Variants in KAZN observed in about 807,000 individuals in gnomAD.
The protein encoded by KAZN is kazrin.
Under a neutral mutation model 87.4 loss-of-function variants are expected in KAZN, and 40 were observed. The ratio of observed to expected loss-of-function variants is 0.46; its 90% confidence interval spans 0.36 to 0.60. The LOEUF (loss-of-function observed/expected upper bound fraction) is 0.60. Among genes scored for constraint, KAZN ranks in the 20% least tolerant of loss-of-function variants. The probability of loss-of-function intolerance (pLI) is 0.00; values close to 1 mark genes in which losing one functional copy is unlikely to be tolerated. For missense variants in KAZN, 898 were observed against 1,073.9 expected, an observed-to-expected ratio of 0.84 and a Z score of 2.29; for synonymous variants, 466 against 458.3, an observed-to-expected ratio of 1.02 and a Z score of -0.22.
At chr1:14,334,031 G>A (rs1376265875) in intron 2 of KAZN, among the ~76,000 whole-genome samples, 1 of 151,912 alleles carries the variant, frequency 6.6e-6, no homozygotes, top group Non-Finnish European at 1.5e-5. Flanking sequence ...AAGGAGGCAT[G>A]GCCATCACAA....
chr1:14,199,606 T>A (rs545138415), intron 2 of KAZN, among the ~76,000 whole-genome samples: 1 of 152,298 alleles, frequency 6.6e-6, no homozygotes, highest in East Asian at 1.9e-4. Context: ...GCACTTGCCA[T>A]GCAGTTGTTG....
intron 2 of KAZN, among the ~76,000 whole-genome samples, chr1:14,384,662 AAG>A (rs1557679871): frequency 6.6e-6 from 1 of 152,062 alleles, no homozygotes; most frequent in African/African-American, 2.4e-5. Flanking sequence ...CCCAGGGATG[AAG>A]CCCACTTGAT....
At chr1:13,893,566 C>G (rs1638916664) in exon 1 of KAZN, 8 of 1,493,002 alleles carry the variant, frequency 5.4e-6, no homozygotes, top group Non-Finnish European at 7.2e-6. Context: ...CAAGTAGCCT[C>G]AGATCTGCAG....
intron 8 of KAZN, among the ~76,000 whole-genome samples, chr1:15,083,238 T>C (rs1458420315): frequency 6.6e-6 from 1 of 152,220 alleles, no homozygotes; most frequent in Non-Finnish European, 1.5e-5. Context: ...TGCAGCCCCT[T>C]TTAGTTGCAA....
At chr1:14,137,239 GCA>G (rs1645127207) in intron 1 of KAZN, among the ~76,000 whole-genome samples, 1 of 152,220 alleles carries the variant, frequency 6.6e-6, no homozygotes, top group Non-Finnish European at 1.5e-5. Context: ...TCAGGCAGGT[GCA>G]CACCCAGGGT....
intron 2 of KAZN, among the ~76,000 whole-genome samples, chr1:14,425,956 A>G (rs74724543): frequency 0.2 from 30,924 of 152,154 alleles, 3,988 homozygotes; most frequent in South Asian, 0.28. Flanking sequence ...ACATTCTTTT[A>G]TCTGGATTTG....
chr1:15,050,064 G>GGTAGA (rs1192474684), intron 4 of KAZN, among the ~76,000 whole-genome samples: 2 of 79,530 alleles, frequency 2.5e-5, no homozygotes, highest in Non-Finnish European at 4.4e-5. Flanking sequence ...GGTAGGGTAG[G>GGTAGA]GTAGAGTAGA....
chr1:14,355,231 G>A (rs114438538), intron 2 of KAZN, among the ~76,000 whole-genome samples: 1 of 152,078 alleles, frequency 6.6e-6, no homozygotes, highest in Non-Finnish European at 1.5e-5. Flanking sequence ...ACTTTCTGGG[G>A]TGATATGTAT....
intron 2 of KAZN, among the ~76,000 whole-genome samples, chr1:15,008,522 C>T (rs559936400): frequency 9.8e-5 from 15 of 152,342 alleles, no homozygotes; most frequent in Admixed American, 6.5e-4. Flanking sequence ...GCCGGGTTTC[C>T]AGAGCACTTC....
intron 2 of KAZN, among the ~76,000 whole-genome samples, chr1:15,027,852 C>T (rs1018949847): frequency 1.3e-5 from 2 of 148,294 alleles, no homozygotes; most frequent in East Asian, 4.3e-4. Context: ...TTGTTTGAGA[C>T]GGAGTCTCGC....
At chr1:14,355,400 A>ATATTTATTTATT (rs58049152) in intron 2 of KAZN, among the ~76,000 whole-genome samples, 1 of 147,902 alleles carries the variant, frequency 6.8e-6, no homozygotes, top group African/African-American at 2.5e-5. Context: ...AACAATCTAC[A>ATATTTATTTATT]TATTTATTTA....
rs1403704715 is a variant in KAZN, at chr1:14,681,644, TATATATATATATA to T, written c.226+82422_226+82434del. Among the ~76,000 whole-genome samples the T allele has an allele frequency of 6.4e-4, 9 of 14,080 alleles. 1 individual carries two copies. Among genetic ancestry groups the T allele is most frequent in the Middle Eastern group, 0.022 (1 of 46 alleles). The allele number at this position is 14,080 out of a possible 152,430, so 9.2% of individuals were successfully genotyped here. A position where few individuals can be genotyped will look rare whatever the true frequency, so the allele number is the denominator to read the frequency against. The stretch of plus-strand genomic sequence containing the variant: ...ATATATATATATATATATATATATA[TATATATATATATA>T]TTTTTTTTTTTTTTTTTTTTTTTTT... On this transcript the variant is annotated intron_variant, in intron 1 of 14. Transcript: ENST00000376030.
chr1:14,311,223 T>A (rs1394469169), intron 2 of KAZN, among the ~76,000 whole-genome samples: 1 of 152,198 alleles, frequency 6.6e-6, no homozygotes, highest in Non-Finnish European at 1.5e-5. Context: ...TGCATTCAGA[T>A]AGATCTGGAT....
chr1:15,094,188 A>G lies in KAZN; in HGVS notation c.1231A>G (p.Ser411Gly). The G allele has an allele frequency of 1.2e-6, 2 of 1,613,110 alleles. No individual in the cohort carries two copies. The highest frequency in any genetic ancestry group is 1.7e-6 in the Non-Finnish European group (2 of 1,179,806). Reference protein sequence around the residue: ...LDPGLFDDSDSQCSPTRQSLS... With the variant: ...LDPGLFDDSDGQCSPTRQSLS... Reference sequence around the variant, plus strand: ...GCACTTGTGTGTTGCAGACTCGGACAGCCAGTGCAGCCCCACGCGGCAGAG... The same window carrying G: ...GCACTTGTGTGTTGCAGACTCGGACGGCCAGTGCAGCCCCACGCGGCAGAG... The change falls in exon 9 of 15, where the codon AGC becomes GGC. Residue 411 changes from serine (S) to glycine (G), a missense_variant. Transcript: ENST00000376030. The surrounding 1 kb of genome is among the most constrained non-coding windows in gnomAD (Gnocchi z 4.5).
At chr1:14,917,158 C>T (rs1439070767) in intron 1 of KAZN, among the ~76,000 whole-genome samples, 3 of 152,228 alleles carry the variant, frequency 2.0e-5, no homozygotes, top group African/African-American at 7.2e-5. Context: ...GAAAGGCCCA[C>T]AGAAGTCTCT....
chr1:14,256,469 G>T (rs1005002045), intron 2 of KAZN, among the ~76,000 whole-genome samples: 7 of 152,092 alleles, frequency 4.6e-5, no homozygotes, highest in Non-Finnish European at 8.8e-5. Context: ...GGAGTAGGAA[G>T]GAGAAAGGGA....
chr1:14,177,798 T>G lies in KAZN; in HGVS notation c.92-2637T>G, dbSNP rs539686676. Reference sequence around the variant, plus strand: ...TCATTTTCACTGTGTGTGTGTGTTTTTTTTTTTTTTTTTAGTAATTTGATT... The same window carrying G: ...TCATTTTCACTGTGTGTGTGTGTTTGTTTTTTTTTTTTTAGTAATTTGATT... On this transcript the variant is annotated intron_variant, in intron 1 of 16. Coordinates refer to the KAZN transcript ENST00000636203. 3.0e-3 allele frequency among the ~76,000 whole-genome samples: 420 copies of G among 138,830 alleles called. 1 individual carries two copies. Among genetic ancestry groups the G allele is most frequent in the East Asian group, 0.018 (92 of 5,132 alleles). The allele number at this position is 138,830 out of a possible 152,430, so 91.1% of individuals were successfully genotyped here. A position where few individuals can be genotyped will look rare whatever the true frequency, so the allele number is the denominator to read the frequency against.
At chr1:14,441,485 A>T (rs1666703230) in intron 2 of KAZN, among the ~76,000 whole-genome samples, 1 of 152,164 alleles carries the variant, frequency 6.6e-6, no homozygotes, top group South Asian at 2.1e-4. Context: ...GCGACATTTT[A>T]CAAGTCCTCC....
At chr1:14,575,196 G>A (rs1329095130) in intron 2 of KAZN, among the ~76,000 whole-genome samples, 1 of 152,020 alleles carries the variant, frequency 6.6e-6, no homozygotes, top group Non-Finnish European at 1.5e-5. Context: ...CAGTTGGTTG[G>A]GGGAAGGAGA....
Sources: gnomAD v4.1 joint callset for allele counts (sites outside exome capture counted in the v4.1 genomes callset) on GRCh38, gnomAD v4.1.1 for gene constraint, Gnocchi (gnomAD v3.1) non-coding constraint, MANE v1.5 for transcripts, NCBI Gene and HGNC (gene_info 2026-07-23, HGNC 2026-07-21) for gene names.